Variants in KIAA1328 observed in about 807,000 individuals in gnomAD.
KIAA1328 encodes protein hinderin.
A neutral mutation model predicts 68.1 loss-of-function variants in KIAA1328; 52 were observed. The observed-to-expected ratio is 0.76, with a 90% confidence interval of 0.61 to 0.96. KIAA1328 has a LOEUF of 0.96. KIAA1328 is among the 40% of genes least tolerant of loss of function. The probability of loss-of-function intolerance (pLI) is 0.00; values close to 1 mark genes in which losing one functional copy is unlikely to be tolerated. For synonymous variants in KIAA1328, 232 were observed against 239.4 expected, an observed-to-expected ratio of 0.97 and a Z score of 0.28; for missense variants, 641 against 677.6, an observed-to-expected ratio of 0.95 and a Z score of 0.60.
At chr18:36,908,005 A>G (rs2049285130) in intron 5 of KIAA1328, among the ~76,000 whole-genome samples, 1 of 152,124 alleles carries the variant, frequency 6.6e-6, no homozygotes. Context: ...AAGCTTTGGT[A>G]GTTTGTCTTT....
chr18:37,072,570 A>G (rs1313585314), intron 7 of KIAA1328, among the ~76,000 whole-genome samples: 1 of 151,846 alleles, frequency 6.6e-6, no homozygotes, highest in Non-Finnish European at 1.5e-5. Flanking sequence ...ATTTTTTTCT[A>G]ATACTTTTTG....
intron 7 of KIAA1328, among the ~76,000 whole-genome samples, chr18:37,118,438 GGTT>G (rs773520334): frequency 6.6e-6 from 1 of 152,094 alleles, no homozygotes; most frequent in Non-Finnish European, 1.5e-5. Flanking sequence ...GCAGGAATTG[GGTT>G]GTTGTAGTTT....
intron 6 of KIAA1328, among the ~76,000 whole-genome samples, chr18:37,038,074 C>G (rs1475048889): frequency 6.6e-5 from 10 of 151,718 alleles, no homozygotes; most frequent in Admixed American, 6.6e-4. Flanking sequence ...GCACTCTAGC[C>G]TGGGTGGCAG....
intron 9 of KIAA1328, among the ~76,000 whole-genome samples, chr18:37,173,925 G>A (rs2059547316): frequency 6.6e-6 from 1 of 152,158 alleles, no homozygotes; most frequent in Admixed American, 6.5e-5. Flanking sequence ...TTCCACAGAA[G>A]CCAAACCTAG....
At chr18:36,898,471 A>G (rs983998493) in intron 5 of KIAA1328, among the ~76,000 whole-genome samples, 1 of 151,994 alleles carries the variant, frequency 6.6e-6, no homozygotes. Flanking sequence ...AAAATAATGC[A>G]GAAATCAAGC....
intron 9 of KIAA1328, among the ~76,000 whole-genome samples, chr18:37,177,431 C>T (rs2154214786): frequency 6.6e-6 from 1 of 152,306 alleles, no homozygotes; most frequent in Non-Finnish European, 1.5e-5. Context: ...AAGGTCACTT[C>T]TTTCTGTTCT....
intron 6 of KIAA1328, among the ~76,000 whole-genome samples, chr18:37,012,163 TATACTA>T (rs2054001363): frequency 6.6e-6 from 1 of 152,158 alleles, no homozygotes; most frequent in African/African-American, 2.4e-5. Flanking sequence ...ATAGAACTAA[TATACTA>T]AGACAGTAAT....
At chr18:36,885,979 A>G in intron 5 of KIAA1328, 1 of 336,318 alleles carries the variant, frequency 3.0e-6, no homozygotes. Context: ...GGCCTCCCAA[A>G]GTGCTAGGAT....
At chr18:36,923,544 A>G (rs2050006434) in intron 5 of KIAA1328, among the ~76,000 whole-genome samples, 1 of 152,174 alleles carries the variant, frequency 6.6e-6, no homozygotes, top group African/African-American at 2.4e-5. Flanking sequence ...TACAATTTAC[A>G]TGAAAGGGAT....
intron 8 of KIAA1328, among the ~76,000 whole-genome samples, chr18:37,164,871 A>C (rs1206583312): frequency 6.6e-6 from 1 of 152,224 alleles, no homozygotes; most frequent in African/African-American, 2.4e-5. Flanking sequence ...GAGGCCTTAA[A>C]TGTATAGTGT....
At chr18:36,997,918 G>A (rs571156109) in intron 6 of KIAA1328, among the ~76,000 whole-genome samples, 1 of 152,246 alleles carries the variant, frequency 6.6e-6, no homozygotes, top group African/African-American at 2.4e-5. Context: ...AACCAGGACT[G>A]GGGTATGAGA....
chr18:36,853,819 CT>C (rs2047296069), intron 4 of KIAA1328, among the ~76,000 whole-genome samples: 1 of 152,052 alleles, frequency 6.6e-6, no homozygotes, highest in South Asian at 2.1e-4. Context: ...CCAAGCCCAG[CT>C]AATTTTTTTG....
intron 7 of KIAA1328, among the ~76,000 whole-genome samples, chr18:37,120,662 T>A (rs1421953449): frequency 6.6e-6 from 1 of 152,198 alleles, no homozygotes; most frequent in Non-Finnish European, 1.5e-5. Context: ...AGAGAGGCTC[T>A]AGTTCTGCCT....
chr18:37,015,383 C>A (rs2054117673), intron 6 of KIAA1328, among the ~76,000 whole-genome samples: 2 of 152,104 alleles, frequency 1.3e-5, no homozygotes, highest in Non-Finnish European at 2.9e-5. Flanking sequence ...CAGTACCGTG[C>A]TGTTTTGGTT....
Position 37,222,185 on chromosome 18 carries a change from G to A in KIAA1328, c.1692G>A (p.Glu564=). The A allele has an allele frequency of 6.3e-7, 1 of 1,596,996 alleles. No homozygotes were observed. The highest frequency in any genetic ancestry group is 8.5e-7 in the Non-Finnish European group (1 of 1,171,162). The change falls in exon 10 of 10, where the codon GAG becomes GAA. Residue 564 remains glutamate, a synonymous_variant. Coordinates refer to ENST00000280020, the MANE Select transcript of KIAA1328 (RefSeq NM_020776.3). ...TGGGGATGCACAGAACCCCTGAAGAGTTGGAGGAGAATCAGATTCTGGAAG... is the reference window on the plus strand; with the variant it reads ...TGGGGATGCACAGAACCCCTGAAGAATTGGAGGAGAATCAGATTCTGGAAG... ...KKMGMHRTPE[E]LEENQILEDI... is the part of the protein sequence containing the mutation.
chr18:37,107,413 A>G (rs886924426), intron 7 of KIAA1328, among the ~76,000 whole-genome samples: 8 of 152,346 alleles, frequency 5.3e-5, no homozygotes, highest in Non-Finnish European at 1.0e-4. Flanking sequence ...ATGTAGTTTC[A>G]TAGAAATAGC....
At chr18:36,915,477 C>G (rs2049655230) in intron 5 of KIAA1328, among the ~76,000 whole-genome samples, 1 of 151,992 alleles carries the variant, frequency 6.6e-6, no homozygotes, top group Admixed American at 6.6e-5. Context: ...AGTCTGAAAA[C>G]TCAACAATAA....
chr18:36,861,202 A>G (rs1238331624), intron 4 of KIAA1328, among the ~76,000 whole-genome samples: 1 of 152,094 alleles, frequency 6.6e-6, no homozygotes, highest in Admixed American at 6.6e-5. Flanking sequence ...GAAGAGTACT[A>G]GTCAGATATT....
chr18:37,100,331 A>C (rs2057566933), intron 7 of KIAA1328, among the ~76,000 whole-genome samples: 1 of 152,192 alleles, frequency 6.6e-6, no homozygotes, highest in African/African-American at 2.4e-5. Context: ...CTAATACTGC[A>C]CTTTTCCAAT....
Sources: allele counts gnomAD v4.1 joint callset (sites outside exome capture counted in the v4.1 genomes callset), GRCh38; gene constraint gnomAD v4.1.1; transcripts MANE v1.5; gene names NCBI Gene and HGNC (gene_info 2026-07-23, HGNC 2026-07-21).